The following TRMT9B variants were observed in gnomAD, a reference collection of about 807,000 sequenced individuals.
TRMT9B encodes the protein probable tRNA methyltransferase 9B.
A neutral mutation model predicts 11.5 loss-of-function variants in TRMT9B; 16 were observed. The observed-to-expected ratio is 1.39, with a 90% CI of 0.94 to 2.11. The LOEUF (loss-of-function observed/expected upper bound fraction) is 2.11, where lower values mean the gene tolerates loss of function less well. Ranked by LOEUF, TRMT9B falls within the 30% of genes most tolerant of loss-of-function variation. TRMT9B has a pLI of 0.00. For synonymous variants in TRMT9B, 274 were observed against 192.4 expected (o/e 1.42, Z -3.51); for missense variants, 941 against 553.8 (o/e 1.70, Z -7.02).
chr8:12,969,783 C>T (rs1024242278), intron 1 of TRMT9B, among the ~76,000 whole-genome samples: 4 of 151,870 alleles, frequency 2.6e-5, no homozygotes, highest in African/African-American at 9.7e-5. Context: ...GGAATCCTCC[C>T]ACCTAAGCCT....
chr8:13,012,358 C>A lies in TRMT9B; in HGVS notation c.155-326C>A, dbSNP rs112494740. On this transcript the variant is annotated intron_variant, in intron 3 of 4. Transcript: ENST00000524591. ...TTGGGAGGCCGAGGCAGGCGGATCA[C>A]CTGAGGTTGGGAGTTCGAGACCAAC... The A allele has an allele frequency of 2.2e-3, 1,874 of 834,002 alleles. 19 individuals carry two copies. In the African/African-American group the frequency reaches 0.03, roughly 13 times the overall value. The allele number at this position is 834,002 out of a possible 1,614,324, so 51.7% of individuals were successfully genotyped here. A position where few individuals can be genotyped will look rare whatever the true frequency, so the allele number is the denominator to read the frequency against.
At chr8:13,018,689 A>G (rs1040336190) in intron 4 of TRMT9B, among the ~76,000 whole-genome samples, 1 of 152,186 alleles carries the variant, frequency 6.6e-6, no homozygotes, top group Non-Finnish European at 1.5e-5. Context: ...TGTCAGCTGA[A>G]CAACATATTG....
chr8:13,028,002 G>A lies in TRMT9B; in HGVS notation c.*5958G>A, dbSNP rs1416487035. ...CTCTCACCAAACAAGGATTGAAATT[G>A]TATTGCAAATGAAAGAGCTCAGCAT... On this transcript the variant is annotated 3_prime_UTR_variant, in exon 5 of 5. Transcript: ENST00000524591. The A allele has an allele frequency of 6.0e-6, 1 of 166,920 alleles. No homozygotes were observed. Among genetic ancestry groups the A allele is most frequent in the Non-Finnish European group, 1.5e-5 (1 of 68,108 alleles). 10.3% of individuals were successfully genotyped at this position (166,920 alleles called of 1,614,324 possible). A position where few individuals can be genotyped will look rare whatever the true frequency, so the allele number is the denominator to read the frequency against.
At chr8:13,016,608 T>G (rs140045234) in intron 4 of TRMT9B, among the ~76,000 whole-genome samples, 1 of 151,912 alleles carries the variant, frequency 6.6e-6, no homozygotes, top group South Asian at 2.1e-4. Flanking sequence ...CTTCATTTTA[T>G]TGGCATATTA....
intron 1 of TRMT9B, among the ~76,000 whole-genome samples, chr8:12,964,958 A>G (rs937026283): frequency 6.6e-6 from 1 of 152,202 alleles, no homozygotes; most frequent in African/African-American, 2.4e-5. Context: ...ATAAAATGGA[A>G]TATGAAAACC....
chr8:12,996,738 C>G (rs767956621), intron 2 of TRMT9B, among the ~76,000 whole-genome samples: 2 of 152,134 alleles, frequency 1.3e-5, no homozygotes, highest in Non-Finnish European at 2.9e-5. Context: ...GTGCATATAT[C>G]ATAAATGTAC....
intron 2 of TRMT9B, among the ~76,000 whole-genome samples, chr8:13,005,474 T>C (rs964653766): frequency 7.9e-5 from 12 of 152,330 alleles, no homozygotes; most frequent in African/African-American, 2.6e-4. Context: ...CTCGAGGTGA[T>C]GAACACCCCA....
chr8:12,955,115 A>G (rs1448621403), intron 1 of TRMT9B, among the ~76,000 whole-genome samples: 1 of 152,140 alleles, frequency 6.6e-6, no homozygotes, highest in African/African-American at 2.4e-5. Context: ...CTAGAACTGA[A>G]TATTTGGGTC....
At chr8:13,014,561 ACTT>A (rs959301896) in intron 4 of TRMT9B, among the ~76,000 whole-genome samples, 3 of 152,068 alleles carry the variant, frequency 2.0e-5, no homozygotes, top group African/African-American at 7.2e-5. Context: ...CACTCTCACA[ACTT>A]CATCTAAACC....
At position 13,018,098 on chromosome 8, in the gene TRMT9B, T is replaced by TAAA. The variant is rs372443756; in HGVS notation, c.329-2894_329-2892dup. ...ATAAATGAATAAATAAGGACTTTCT[T>TAAA]AAAAAAAAAAAAAAAAAACTTGGCC... On this transcript the variant is annotated intron_variant, in intron 4 of 4. Transcript: ENST00000524591. 2.0e-3 allele frequency among the ~76,000 whole-genome samples: 269 copies of TAAA among 134,852 alleles called. 4 individuals are homozygous for TAAA. Among genetic ancestry groups the TAAA allele is most frequent in the African/African-American group, 4.9e-3 (177 of 35,928 alleles). The allele number at this position is 134,852 out of a possible 152,430, so 88.5% of individuals were successfully genotyped here.
intron 1 of TRMT9B, among the ~76,000 whole-genome samples, chr8:12,985,000 C>T (rs1039735105): frequency 7.9e-5 from 12 of 151,770 alleles, no homozygotes; most frequent in African/African-American, 2.9e-4. Context: ...CTCTCTCTCA[C>T]ACTCCCCACC....
At chr8:12,949,351 AT>A (rs1377284589) in intron 1 of TRMT9B, among the ~76,000 whole-genome samples, 2 of 152,154 alleles carry the variant, frequency 1.3e-5, no homozygotes, top group East Asian at 3.9e-4. Context: ...AACTGTCAAT[AT>A]TTTGACAGTC....
chr8:13,025,471 T>TGGA lies in TRMT9B; in HGVS notation c.*3428_*3429insGAG, dbSNP rs1274070760. ...GGCGGAGGTTGCAGTGAGCCGAGAT[T>TGGA]GTGCCATTGCACTCCAACCTGGGCA... On this transcript the variant is annotated 3_prime_UTR_variant, in exon 5 of 5. Coordinates refer to ENST00000524591, the MANE Select transcript of TRMT9B (RefSeq NM_020844.3). 2 of 161,970 alleles carry TGGA rather than the reference T, an allele frequency of 1.2e-5. No individual in the cohort carries two copies. Among genetic ancestry groups the TGGA allele is most frequent in the Non-Finnish European group, 2.9e-5 (2 of 68,322 alleles). The allele number at this position is 161,970 out of a possible 1,614,324, so 10.0% of individuals were successfully genotyped here. A position where few individuals can be genotyped will look rare whatever the true frequency, so the allele number is the denominator to read the frequency against.
chr8:12,976,162 C>T (rs926352190), intron 1 of TRMT9B, among the ~76,000 whole-genome samples: 1 of 152,206 alleles, frequency 6.6e-6, no homozygotes, highest in Non-Finnish European at 1.5e-5. Context: ...AGTGCCACTG[C>T]TGAGCTCCTG....
chr8:13,029,305 A>G lies in TRMT9B; in HGVS notation c.*7261A>G, dbSNP rs1352434710. The stretch of plus-strand genomic sequence containing the variant: ...GTGCAAAAACTTTTTTCTACAATGT[A>G]CAGTTATTTTGACTTTTCCCAGGGG... On this transcript the variant is annotated 3_prime_UTR_variant, in exon 5 of 5. Coordinates refer to ENST00000524591, the MANE Select transcript of TRMT9B (RefSeq NM_020844.3). The G allele has an allele frequency of 6.0e-6, 1 of 167,036 alleles. No individual in the cohort carries two copies. Among genetic ancestry groups the G allele is most frequent in the African/African-American group, 2.4e-5 (1 of 41,454 alleles). 10.3% of individuals were successfully genotyped at this position (167,036 alleles called of 1,614,324 possible). A position where few individuals can be genotyped will look rare whatever the true frequency, so the allele number is the denominator to read the frequency against.
In TRMT9B at chr8:13,024,197, C is replaced by G. The variant is rs1814400772; in HGVS notation, c.*2153C>G. On this transcript the variant is annotated 3_prime_UTR_variant, in exon 5 of 5. Transcript: ENST00000524591. ...TAGCTGGGACTACTGGCACCCACCA[C>G]GACGCCCGGCTGTTTTTTTGTATTT... The G allele has an allele frequency of 6.5e-6, 1 of 153,036 alleles. No individual in the cohort carries two copies. The allele number at this position is 153,036 out of a possible 1,614,324, so 9.5% of individuals were successfully genotyped here.
chr8:13,006,740 C>A, intron 3 of TRMT9B: 1 of 968,320 alleles, frequency 1.0e-6, no homozygotes, highest in Non-Finnish European at 1.3e-6. Flanking sequence ...GCAATCTCAG[C>A]TTGCTGCAAA....
At chr8:12,954,038 G>T (rs1395540198) in intron 1 of TRMT9B, among the ~76,000 whole-genome samples, 1 of 152,172 alleles carries the variant, frequency 6.6e-6, no homozygotes, top group Non-Finnish European at 1.5e-5. Context: ...TATGGATAAA[G>T]TTCCAAGGTA....
At chr8:12,974,932 C>T (rs951883694) in intron 1 of TRMT9B, among the ~76,000 whole-genome samples, 1 of 151,138 alleles carries the variant, frequency 6.6e-6, no homozygotes. Flanking sequence ...ATAGAGGCAG[C>T]AGCATTATTT....
Sources: gnomAD v4.1 joint callset for allele counts (sites outside exome capture counted in the v4.1 genomes callset) on GRCh38, gnomAD v4.1.1 for gene constraint, MANE v1.5 for transcripts, NCBI Gene and HGNC (gene_info 2026-07-23, HGNC 2026-07-21) for gene names.